The following PDGFRA variants were observed in gnomAD, a reference collection of about 807,000 sequenced individuals.
PDGFRA encodes the protein platelet derived growth factor receptor alpha, also known as platelet-derived growth factor receptor alpha.
In PDGFRA, 25 loss-of-function variants were observed where a neutral mutation model predicts 121.5. That is an observed-to-expected ratio of 0.21 (90% CI 0.15 to 0.29). The LOEUF (loss-of-function observed/expected upper bound fraction) is 0.29, where lower values mean the gene tolerates loss of function less well. Among genes scored for constraint, PDGFRA ranks in the 10% least tolerant of loss-of-function variants. The pLI, the probability that PDGFRA is intolerant of heterozygous loss-of-function variation, is 1.00. For synonymous variants in PDGFRA, 463 were observed against 494.8 expected, an observed-to-expected ratio of 0.94 and a Z score of 0.85; for missense variants, 1,008 against 1,345.1, an observed-to-expected ratio of 0.75 and a Z score of 3.92.
intron 1 of PDGFRA, among the ~76,000 whole-genome samples, chr4:54,257,964 A>G (rs1160585110): frequency 6.6e-6 from 1 of 152,168 alleles, no homozygotes; most frequent in African/African-American, 2.4e-5. Context: ...GTAGAAAATT[A>G]GAAAGTTCTT....
chr4:54,254,848 A>T (rs1336706573), intron 1 of PDGFRA, among the ~76,000 whole-genome samples: 1 of 152,176 alleles, frequency 6.6e-6, no homozygotes, highest in Non-Finnish European at 1.5e-5. Flanking sequence ...GCCAGCCAGC[A>T]TTGTGTGAAT....
intron 2 of PDGFRA, 64 bp downstream of exon 2, chr4:54,258,881 G>T: frequency 5.3e-6 from 7 of 1,332,676 alleles, no homozygotes; most frequent in Non-Finnish European, 6.5e-6. Context: ...GCTTTGTGCT[G>T]CATGGGTTTA....
At chr4:54,288,969 G>A in intron 20 of PDGFRA, 40 bp from the exon 21 acceptor site, 1 of 1,526,800 alleles carries the variant, frequency 6.5e-7, no homozygotes, top group East Asian at 2.3e-5. Context: ...GGGGCCCTGA[G>A]ACTTCCCCCT....
At chr4:54,248,661 G>C (rs1721845572) in intron 1 of PDGFRA, among the ~76,000 whole-genome samples, 1 of 152,136 alleles carries the variant, frequency 6.6e-6, no homozygotes, top group Admixed American at 6.5e-5. Context: ...GCATGGGCAA[G>C]GACTTCATGT....
chr4:54,290,927 C>A (rs532348396), intron 22 of PDGFRA, among the ~76,000 whole-genome samples: 1 of 152,078 alleles, frequency 6.6e-6, no homozygotes, highest in African/African-American at 2.4e-5. Context: ...TGAAGAGAGG[C>A]GGGACTGGGT....
At chr4:54,274,692 A>G (rs2110297781) in intron 11 of PDGFRA, 67 bp downstream of exon 11, 1 of 1,444,222 alleles carries the variant, frequency 6.9e-7, no homozygotes, top group Non-Finnish European at 9.8e-7. Context: ...AACCTAGTTC[A>G]GTGCTTGGCA....
chr4:54,264,834 T>TAAAAAA, intron 4 of PDGFRA, 85 bp from the exon 5 acceptor site: 3 of 1,032,716 alleles, frequency 2.9e-6, no homozygotes, highest in Non-Finnish European at 4.2e-6. Context: ...AGGGTTTTCT[T>TAAAAAA]AAAAAAAAAA....
At chr4:54,287,603 G>A in intron 19 of PDGFRA, 62 bp downstream of exon 19, 1 of 795,344 alleles carries the variant, frequency 1.3e-6, no homozygotes, top group Non-Finnish European at 2.3e-6. Context: ...AGGAAAATGT[G>A]TTCTTTCAAG....
chr4:54,245,026 T>C (rs959554035), intron 1 of PDGFRA, among the ~76,000 whole-genome samples: 1 of 152,062 alleles, frequency 6.6e-6, no homozygotes, highest in Non-Finnish European at 1.5e-5. Flanking sequence ...GAAAAAAGAA[T>C]AAAAAGAAAC....
intron 8 of PDGFRA, among the ~76,000 whole-genome samples, chr4:54,271,705 T>G (rs951805600): frequency 2.0e-5 from 3 of 148,816 alleles, no homozygotes; most frequent in Non-Finnish European, 4.5e-5. Flanking sequence ...TCTCTTTTCC[T>G]TTCCTTTCTC....
chr4:54,272,661 G>A, intron 9 of PDGFRA, 141 bp downstream of exon 9: 1 of 875,768 alleles, frequency 1.1e-6, no homozygotes, highest in East Asian at 2.6e-5. Flanking sequence ...CTTTTGTCAT[G>A]AATAGCTGTG....
chr4:54,278,447 C>T lies in PDGFRA; in HGVS notation c.2088C>T (p.His696=), dbSNP rs765377444. 8.1e-6 allele frequency: 13 copies of T among 1,613,786 alleles called. No individual in the cohort carries two copies. The East Asian group carries it at 2.7e-4, about 33-fold the overall frequency. ...LHKNRDSFLS[H]HPEKPKKELD... Reference sequence around the variant, plus strand: ...AGAATAGGGATAGCTTCCTGAGCCACCACCCAGAGAAGCCAAAGAAAGAGC... The same window carrying T: ...AGAATAGGGATAGCTTCCTGAGCCATCACCCAGAGAAGCCAAAGAAAGAGC... Residue 696 remains histidine (H), a synonymous_variant, in exon 15 of 23, where the codon CAC becomes CAT. Transcript: ENST00000257290.
chr4:54,285,795 G>C (rs1357219423), intron 17 of PDGFRA, 46 bp from the exon 18 acceptor site: 3 of 1,607,620 alleles, frequency 1.9e-6, no homozygotes, highest in South Asian at 1.1e-5. Flanking sequence ...ATGCTATTCA[G>C]CTACAGATGG....
rs1723646607 is a variant in PDGFRA at position 54,275,038 on chromosome 4, G to A, written c.1786+65G>A. 3.8e-6 allele frequency: 6 copies of A among 1,563,224 alleles called. No homozygotes were observed. The South Asian group carries it at 4.4e-5, about 12-fold the overall frequency. ...CTTGCACACAACTTTACAATTTATA[G>A]GCCTTGGCAGAATAGAGATCTGAGC... is the stretch of plus-strand genomic sequence containing the variant. On this transcript the variant is annotated intron_variant, in intron 12 of 22. Transcript: ENST00000257290.
At chr4:54,254,690 C>G (rs1159540347) in intron 1 of PDGFRA, among the ~76,000 whole-genome samples, 3 of 152,178 alleles carry the variant, frequency 2.0e-5, no homozygotes, top group African/African-American at 7.2e-5. Context: ...AGTGGATTGT[C>G]AGTGGGAGGC....
intron 22 of PDGFRA, among the ~76,000 whole-genome samples, chr4:54,293,692 A>G (rs777653215): frequency 6.6e-6 from 1 of 152,084 alleles, no homozygotes; most frequent in Non-Finnish European, 1.5e-5. Context: ...CGGCCTCCCA[A>G]GATGCTGGGA....
chr4:54,232,708 C>A (rs1720753222), intron 1 of PDGFRA, among the ~76,000 whole-genome samples: 1 of 152,238 alleles, frequency 6.6e-6, no homozygotes, highest in Non-Finnish European at 1.5e-5. Flanking sequence ...CCTCAGCCTC[C>A]CGAGTAACTG....
intron 12 of PDGFRA, chr4:54,277,178 C>T: frequency 1.6e-6 from 1 of 606,618 alleles, no homozygotes. Context: ...CTTTCCCTTG[C>T]AAGTGTTATT....
At position 54,254,758 on chromosome 4, in the gene PDGFRA, G is replaced by A. The variant is rs546609085; in HGVS notation, c.-12-3999G>A. 2.5e-3 allele frequency among the ~76,000 whole-genome samples: 382 copies of A among 152,254 alleles called. 1 individual carries two copies. Among genetic ancestry groups the A allele is most frequent in the African/African-American group, 9.1e-3 (376 of 41,536 alleles). ...CTGCTAATTGTGGTAAATCAGGCTG[G>A]CCAGCCTGGCTCTGGATCCCACTGT... On this transcript the variant is annotated intron_variant, in intron 1 of 22. Coordinates refer to ENST00000257290, the MANE Select transcript of PDGFRA (RefSeq NM_006206.6).
Sources: allele counts gnomAD v4.1 joint callset (sites outside exome capture counted in the v4.1 genomes callset), GRCh38; gene constraint gnomAD v4.1.1; transcripts MANE v1.5; gene names NCBI Gene and HGNC (gene_info 2026-07-23, HGNC 2026-07-21).